The following CCDC149 variants were observed in gnomAD, a reference collection of about 807,000 sequenced individuals.
CCDC149 encodes coiled-coil domain containing 149.
A neutral mutation model predicts 59.9 loss-of-function variants in CCDC149; 45 were observed. The observed-to-expected ratio is 0.75, with a 90% CI of 0.59 to 0.96. CCDC149 has a LOEUF of 0.96. Among genes scored for constraint, CCDC149 ranks in the 40% least tolerant of loss-of-function variants. The pLI, the probability that CCDC149 is intolerant of heterozygous loss-of-function variation, is 0.00. For missense variants in CCDC149, 584 were observed against 664.7 expected (o/e 0.88, Z 1.33); for synonymous variants, 245 against 260.6 (o/e 0.94, Z 0.58).
intron 4 of CCDC149, among the ~76,000 whole-genome samples, chr4:24,844,608 A>G (rs1717151669): frequency 6.6e-6 from 1 of 152,078 alleles, no homozygotes; most frequent in Non-Finnish European, 1.5e-5. Context: ...CTCCGTCTCA[A>G]CTAAAAATAC....
At chr4:24,858,276 G>C (rs1718151267) in intron 3 of CCDC149, among the ~76,000 whole-genome samples, 1 of 152,226 alleles carries the variant, frequency 6.6e-6, no homozygotes, top group Admixed American at 6.5e-5. Flanking sequence ...TCAGGGAAAA[G>C]TGGCAGCCTG....
Position 24,837,528 on chromosome 4 carries a change from G to T in CCDC149, c.490-128C>A. ...ATTAACACTACCCGCATGCCCTAAA[G>T]CCATAAGCGCCACACACTGAAATAC... On this transcript the variant is annotated intron_variant, in intron 5 of 12. Coordinates refer to ENST00000635206, the MANE Select transcript of CCDC149 (RefSeq NM_001330643.2). This position sits in a 1 kb window ranked among gnomAD's most constrained non-coding sequence, Gnocchi z 4.3. 4 of 737,942 alleles carry T rather than the reference G, an allele frequency of 5.4e-6. No homozygotes were observed. The highest frequency in any genetic ancestry group is 6.6e-6 in the Non-Finnish European group (3 of 451,392). 45.7% of individuals were successfully genotyped at this position (737,942 alleles called of 1,614,324 possible).
At chr4:24,952,225 T>G (rs900893113) in intron 1 of CCDC149, among the ~76,000 whole-genome samples, 1 of 152,164 alleles carries the variant, frequency 6.6e-6, no homozygotes, top group Admixed American at 6.5e-5. Flanking sequence ...TGTTTATACA[T>G]ATGTGTATTC....
chr4:24,862,853 T>C (rs1333298150), intron 3 of CCDC149, among the ~76,000 whole-genome samples: 1 of 152,124 alleles, frequency 6.6e-6, no homozygotes, highest in Non-Finnish European at 1.5e-5. Context: ...TATTTTTTTC[T>C]GTGAATTCCC....
intron 1 of CCDC149, among the ~76,000 whole-genome samples, chr4:24,928,012 T>A (rs1722475638): frequency 6.6e-6 from 1 of 152,194 alleles, no homozygotes; most frequent in African/African-American, 2.4e-5. Context: ...TCTATCACAT[T>A]CTATGTCTGG....
In CCDC149 at chr4:24,837,050, C is replaced by T. The variant is rs1043876806; in HGVS notation, c.662+178G>A. ...CACTGTGTAGGTGTGGGCTGCTTTC[C>T]TTTTTCACTTTTGCAACTAATACAT... is the stretch of plus-strand genomic sequence containing the variant. On this transcript the variant is annotated intron_variant, in intron 6 of 12. Transcript: ENST00000635206. This position sits in a 1 kb window ranked among gnomAD's most constrained non-coding sequence, Gnocchi z 4.3. Among the ~76,000 whole-genome samples, 1 of 151,238 alleles carries T rather than the reference C, an allele frequency of 6.6e-6. No individual in the cohort carries two copies. The highest frequency in any genetic ancestry group is 1.5e-5 in the Non-Finnish European group (1 of 67,748).
At chr4:24,889,183 T>C (rs549280573) in intron 1 of CCDC149, among the ~76,000 whole-genome samples, 1 of 152,338 alleles carries the variant, frequency 6.6e-6, no homozygotes, top group Admixed American at 6.5e-5. Flanking sequence ...ACTTCTCTTA[T>C]TTCTCCTTTC....
intron 1 of CCDC149, among the ~76,000 whole-genome samples, chr4:24,893,931 G>C (rs1720692529): frequency 6.6e-6 from 1 of 152,090 alleles, no homozygotes; most frequent in Non-Finnish European, 1.5e-5. Context: ...TTAAAAATTA[G>C]TGCTTCAGTG....
Position 24,848,989 on chromosome 4 carries a change from C to T in CCDC149, c.372+4083G>A, listed in dbSNP as rs79020187. 3.3e-3 allele frequency among the ~76,000 whole-genome samples: 497 copies of T among 152,270 alleles called. 2 individuals are homozygous for T. The highest frequency in any genetic ancestry group is 0.011 in the African/African-American group (470 of 41,542). Reference sequence around the variant, plus strand: ...CACTGGGGGTCTTGGGAAGTATCCCCCAGATAAGAAAGGACTGCTGTCTTT... The same window carrying T: ...CACTGGGGGTCTTGGGAAGTATCCCTCAGATAAGAAAGGACTGCTGTCTTT... On this transcript the variant is annotated intron_variant, in intron 4 of 12. Transcript: ENST00000635206.
chr4:24,804,275 G>A (rs563207318), downstream of CCDC149, among the ~76,000 whole-genome samples: 12 of 152,126 alleles, frequency 7.9e-5, no homozygotes, highest in Non-Finnish European at 1.3e-4. Flanking sequence ...GGCAGATCAC[G>A]AGGTTGGGAG....
At chr4:24,815,026 A>G (rs1018236321) in intron 12 of CCDC149, among the ~76,000 whole-genome samples, 5 of 152,188 alleles carry the variant, frequency 3.3e-5, no homozygotes, top group South Asian at 2.1e-4. Flanking sequence ...TCCTACCTTA[A>G]ATGTAGAAAC....
intron 1 of CCDC149, among the ~76,000 whole-genome samples, chr4:24,974,092 G>A (rs1724071766): frequency 6.6e-6 from 1 of 152,238 alleles, no homozygotes; most frequent in African/African-American, 2.4e-5. Context: ...CTGCAAAGGA[G>A]AGCGCCTGTG....
chr4:24,804,941 C>T (rs1305962698), downstream of CCDC149, among the ~76,000 whole-genome samples: 1 of 152,060 alleles, frequency 6.6e-6, no homozygotes, highest in African/African-American at 2.4e-5. Flanking sequence ...AGGAGCCTCC[C>T]AGCTAGAGAG....
At chr4:24,894,014 T>C (rs1481101253) in intron 1 of CCDC149, among the ~76,000 whole-genome samples, 1 of 152,154 alleles carries the variant, frequency 6.6e-6, no homozygotes, top group Non-Finnish European at 1.5e-5. Context: ...TGTGTTAGAA[T>C]AGGAACAACA....
intron 4 of CCDC149, among the ~76,000 whole-genome samples, chr4:24,843,697 G>A (rs527883389): frequency 6.6e-6 from 1 of 152,218 alleles, no homozygotes; most frequent in East Asian, 1.9e-4. Flanking sequence ...GTGTGTATAC[G>A]GATGTCTCCC....
At chr4:24,931,513 A>G (rs1722586687) in intron 1 of CCDC149, among the ~76,000 whole-genome samples, 1 of 151,426 alleles carries the variant, frequency 6.6e-6, no homozygotes, top group Non-Finnish European at 1.5e-5. Context: ...TGGGCTTTCT[A>G]ACATCTTTAG....
chr4:24,960,383 TC>T (rs1219084672), intron 1 of CCDC149, among the ~76,000 whole-genome samples: 1 of 152,096 alleles, frequency 6.6e-6, no homozygotes, highest in Non-Finnish European at 1.5e-5. Flanking sequence ...AAATACTCAG[TC>T]CCAAAGAAGA....
chr4:24,968,884 T>C (rs533558413), intron 1 of CCDC149, among the ~76,000 whole-genome samples: 1 of 152,330 alleles, frequency 6.6e-6, no homozygotes, highest in Admixed American at 6.5e-5. Flanking sequence ...ATCCATGTGG[T>C]ACAACCTCTG....
intron 1 of CCDC149, among the ~76,000 whole-genome samples, chr4:24,932,385 C>T (rs1722621660): frequency 6.6e-6 from 1 of 152,152 alleles, no homozygotes; most frequent in African/African-American, 2.4e-5. Context: ...AGCTAGAGGT[C>T]TTCACAGAAG....
Sources: allele counts gnomAD v4.1 joint callset (sites outside exome capture counted in the v4.1 genomes callset), GRCh38; gene constraint gnomAD v4.1.1; non-coding constraint Gnocchi (gnomAD v3.1); transcripts MANE v1.5; gene names NCBI Gene and HGNC (gene_info 2026-07-23, HGNC 2026-07-21).